The following PAPPA2 variants were observed in gnomAD, a reference collection of about 807,000 sequenced individuals.
The protein encoded by PAPPA2 is pappalysin 2.
PAPPA2 carries 86 observed loss-of-function variants against 176.4 expected under a neutral mutation model. That is an observed-to-expected ratio of 0.49 (90% CI 0.41 to 0.58). The LOEUF (loss-of-function observed/expected upper bound fraction) is 0.58, where lower values mean the gene tolerates loss of function less well. PAPPA2 is among the 20% of genes least tolerant of loss of function. The probability of loss-of-function intolerance (pLI) is 0.00; values close to 1 mark genes in which losing one functional copy is unlikely to be tolerated. For synonymous variants in PAPPA2, 809 were observed against 852.2 expected, an observed-to-expected ratio of 0.95 and a Z score of 0.88; for missense variants, 2,073 against 2,256.9, an observed-to-expected ratio of 0.92 and a Z score of 1.65.
chr1:176,512,221 CAAAAA>C (rs58968098), intron 1 of PAPPA2, among the ~76,000 whole-genome samples: 10,705 of 105,852 alleles, frequency 0.1, 459 homozygotes, highest in South Asian at 0.2. Context: ...ACTAAATTTG[CAAAAA>C]AAAAAAAAAA....
chr1:176,476,665 C>T (rs1425624564), intron 1 of PAPPA2, among the ~76,000 whole-genome samples: 2 of 152,198 alleles, frequency 1.3e-5, no homozygotes, highest in East Asian at 3.8e-4. Context: ...GAAGCCTTTT[C>T]ATTTCAATTG....
chr1:176,698,780 A>G (rs779715875), intron 7 of PAPPA2, among the ~76,000 whole-genome samples: 3 of 152,196 alleles, frequency 2.0e-5, no homozygotes, highest in Admixed American at 6.5e-5. Flanking sequence ...TTCTCTGCTC[A>G]AGGATTGTTT....
At chr1:176,551,821 A>T (rs12565194) in intron 1 of PAPPA2, among the ~76,000 whole-genome samples, 2 of 152,126 alleles carry the variant, frequency 1.3e-5, no homozygotes, top group South Asian at 2.1e-4. Flanking sequence ...GGGTTTCTTT[A>T]GGGGGGTGGG....
chr1:176,803,393 G>C (rs1665766947), intron 21 of PAPPA2, among the ~76,000 whole-genome samples: 1 of 152,176 alleles, frequency 6.6e-6, no homozygotes, highest in Admixed American at 6.5e-5. Flanking sequence ...CAGGGGCATT[G>C]CTGCTGGTGT....
intron 12 of PAPPA2, among the ~76,000 whole-genome samples, chr1:176,728,467 A>G (rs1325159319): frequency 6.6e-6 from 1 of 151,958 alleles, no homozygotes; most frequent in Non-Finnish European, 1.5e-5. Context: ...AAAACTAAAA[A>G]GAAATTTGAA....
At chr1:176,731,544 T>G (rs534581540) in intron 12 of PAPPA2, among the ~76,000 whole-genome samples, 1 of 152,136 alleles carries the variant, frequency 6.6e-6, no homozygotes, top group East Asian at 1.9e-4. Flanking sequence ...ACTCCTGACC[T>G]CAAATGATCT....
At chr1:176,586,126 C>T (rs940220983) in intron 2 of PAPPA2, among the ~76,000 whole-genome samples, 3 of 152,144 alleles carry the variant, frequency 2.0e-5, no homozygotes, top group Admixed American at 1.3e-4. Context: ...TCCAGTAGAA[C>T]AGTCACCTCT....
At chr1:176,762,373 A>G (rs1238029933) in intron 14 of PAPPA2, among the ~76,000 whole-genome samples, 2 of 152,162 alleles carry the variant, frequency 1.3e-5, no homozygotes, top group African/African-American at 4.8e-5. Flanking sequence ...GGCAGTCATA[A>G]CAATAGTAGT....
chr1:176,731,585 T>C (rs1264548690), intron 12 of PAPPA2, among the ~76,000 whole-genome samples: 1 of 152,064 alleles, frequency 6.6e-6, no homozygotes, highest in African/African-American at 2.4e-5. Flanking sequence ...GTGCTGGAAT[T>C]ACAGAAGTGA....
rs527637578 is a variant in PAPPA2, at chr1:176,665,775, A to C, written c.1992-5195A>C. The stretch of plus-strand genomic sequence containing the variant: ...CCTTCTTGCAAATCTACTCATAGAA[A>C]AACAAGTCAACAGATTCACCAGCTG... On this transcript the variant is annotated intron_variant, in intron 3 of 22. Transcript: ENST00000367662. Among the ~76,000 whole-genome samples, 4 of 152,284 alleles carry C rather than the reference A, an allele frequency of 2.6e-5. No individual in the cohort carries two copies. The East Asian group carries it at 7.7e-4, about 29-fold the overall frequency.
chr1:176,745,626 T>C (rs1178572449), intron 14 of PAPPA2, among the ~76,000 whole-genome samples: 1 of 152,170 alleles, frequency 6.6e-6, no homozygotes, highest in East Asian at 1.9e-4. Flanking sequence ...CAGGGAGAAC[T>C]CTAACAAATA....
At chr1:176,621,678 T>C (rs908482990) in intron 3 of PAPPA2, among the ~76,000 whole-genome samples, 1 of 152,188 alleles carries the variant, frequency 6.6e-6, no homozygotes. Flanking sequence ...CAACAATTTT[T>C]TTTTTTTGGC....
intron 2 of PAPPA2, among the ~76,000 whole-genome samples, chr1:176,580,119 CT>C (rs1347547763): frequency 6.6e-6 from 1 of 152,120 alleles, no homozygotes; most frequent in Non-Finnish European, 1.5e-5. Context: ...TCCTACCTAG[CT>C]GTAATTCTGT....
At chr1:176,715,588 A>T (rs1000300022) in intron 12 of PAPPA2, among the ~76,000 whole-genome samples, 4 of 152,300 alleles carry the variant, frequency 2.6e-5, no homozygotes, top group Admixed American at 2.6e-4. Context: ...GTGTTCTTTC[A>T]GGCATAGCTT....
At chr1:176,807,598 C>A (rs1470374238) in intron 21 of PAPPA2, among the ~76,000 whole-genome samples, 1 of 151,242 alleles carries the variant, frequency 6.6e-6, no homozygotes, top group Non-Finnish European at 1.5e-5. Flanking sequence ...CAGGTTCAAG[C>A]GATTCTGCTG....
intron 12 of PAPPA2, among the ~76,000 whole-genome samples, chr1:176,714,677 G>A (rs1225446764): frequency 6.6e-6 from 1 of 152,146 alleles, no homozygotes. Context: ...TGATACTGTG[G>A]ATAGCAATAG....
chr1:176,516,964 C>T, intron 1 of PAPPA2, among the ~76,000 whole-genome samples: 1 of 152,126 alleles, frequency 6.6e-6, no homozygotes, highest in Admixed American at 6.6e-5. Flanking sequence ...ATCTGGTTCT[C>T]CAAGTTTCTG....
At chr1:176,645,354 T>C (rs1002603548) in intron 3 of PAPPA2, among the ~76,000 whole-genome samples, 1 of 151,790 alleles carries the variant, frequency 6.6e-6, no homozygotes, top group Non-Finnish European at 1.5e-5. Flanking sequence ...ATTTGTCTTT[T>C]TGTGTTTGGC....
At chr1:176,634,523 G>A (rs1457692202) in intron 3 of PAPPA2, among the ~76,000 whole-genome samples, 1 of 151,834 alleles carries the variant, frequency 6.6e-6, no homozygotes, top group East Asian at 1.9e-4. Context: ...ACACCAACAT[G>A]GCACATGTAT....
Sources: gnomAD v4.1 joint callset for allele counts (sites outside exome capture counted in the v4.1 genomes callset) on GRCh38, gnomAD v4.1.1 for gene constraint, MANE v1.5 for transcripts, NCBI Gene and HGNC (gene_info 2026-07-23, HGNC 2026-07-21) for gene names.